HERC4: variants seen among roughly 807,000 people sequenced by gnomAD.
HERC4 encodes probable E3 ubiquitin-protein ligase HERC4.
HERC4 carries 28 observed loss-of-function variants against 124.3 expected under a neutral mutation model. The ratio of observed to expected loss-of-function variants is 0.23; its 90% CI spans 0.17 to 0.31. The LOEUF (loss-of-function observed/expected upper bound fraction) is 0.31. Ranked by LOEUF, HERC4 falls within the 10% of genes least tolerant of loss-of-function variation. The pLI is 1.00. For synonymous variants in HERC4, 407 were observed against 421.5 expected, an observed-to-expected ratio of 0.97 and a Z score of 0.42; for missense variants, 713 against 1,229.3, an observed-to-expected ratio of 0.58 and a Z score of 6.28.
chr10:68,045,400 C>A (rs774761545), intron 3 of HERC4, among the ~76,000 whole-genome samples: 1 of 152,134 alleles, frequency 6.6e-6, no homozygotes, highest in Non-Finnish European at 1.5e-5. Context: ...TTTTAAAGAT[C>A]TCATAAATAA....
chr10:68,030,283 A>G (rs573101358), intron 7 of HERC4, among the ~76,000 whole-genome samples: 1 of 151,944 alleles, frequency 6.6e-6, no homozygotes, highest in Non-Finnish European at 1.5e-5. Context: ...CTACAAAAAA[A>G]TACAAAAAAT....
intron 3 of HERC4, among the ~76,000 whole-genome samples, chr10:68,055,576 C>T (rs1463449418): frequency 6.6e-6 from 1 of 152,070 alleles, no homozygotes; most frequent in Non-Finnish European, 1.5e-5. Flanking sequence ...CTTATTTAAT[C>T]CTCATAACAC....
chr10:68,072,748 T>C, intron 3 of HERC4, 135 bp downstream of exon 3: 1 of 599,356 alleles, frequency 1.7e-6, no homozygotes, highest in Middle Eastern at 4.5e-4. Flanking sequence ...ACACATATAA[T>C]GGAAATACAT....
At chr10:67,932,487 GTAAAATGGTAGTAA>G in intron 23 of HERC4, 96 bp downstream of exon 23, 1 of 892,440 alleles carries the variant, frequency 1.1e-6, no homozygotes, top group East Asian at 2.7e-5. Context: ...GTGCTTTCCT[GTAAAATGGTAGTAA>G]TAAAGTGTAT....
At chr10:68,065,537 C>A (rs968576052) in intron 3 of HERC4, among the ~76,000 whole-genome samples, 4 of 151,972 alleles carry the variant, frequency 2.6e-5, no homozygotes, top group African/African-American at 4.8e-5. Context: ...AAAGAATAAG[C>A]CACCGAAATG....
At chr10:67,992,450 C>T (rs1185599652) in intron 10 of HERC4, 127 bp from the exon 11 acceptor site, 1 of 1,292,078 alleles carries the variant, frequency 7.7e-7, no homozygotes, top group Non-Finnish European at 1.1e-6. Flanking sequence ...GAAACAAAAA[C>T]CTATCAAATA....
intron 6 of HERC4, among the ~76,000 whole-genome samples, chr10:68,033,193 T>C (rs1212173040): frequency 6.6e-6 from 1 of 152,176 alleles, no homozygotes; most frequent in Non-Finnish European, 1.5e-5. Context: ...TTCATGATAG[T>C]TACACCCACA....
intron 8 of HERC4, among the ~76,000 whole-genome samples, chr10:68,019,253 C>A (rs999578241): frequency 4.6e-5 from 7 of 152,242 alleles, no homozygotes; most frequent in African/African-American, 1.7e-4. Context: ...GCCTCGGCCT[C>A]CCAAAGTGCT....
chr10:68,039,441 G>A, intron 4 of HERC4: 1 of 1,550,840 alleles, frequency 6.4e-7, no homozygotes, highest in African/African-American at 1.4e-5. Context: ...AGAGAGTCCG[G>A]AGCAAATTCT....
intron 15 of HERC4, among the ~76,000 whole-genome samples, chr10:67,985,510 T>C (rs550235997): frequency 1.3e-5 from 2 of 152,358 alleles, no homozygotes; most frequent in East Asian, 1.9e-4. Context: ...AGGGTGGTTA[T>C]GGTGAGTATG....
chr10:68,059,733 C>T lies in HERC4; in HGVS notation c.226+13150G>A, dbSNP rs528395105. Among the ~76,000 whole-genome samples the T allele has an allele frequency of 4.9e-4, 19 of 38,392 alleles. 1 individual carries two copies. The highest frequency in any genetic ancestry group is 3.7e-3 in the East Asian group (1 of 268). 25.2% of individuals were successfully genotyped at this position (38,392 alleles called of 152,430 possible). A position where few individuals can be genotyped will look rare whatever the true frequency, so the allele number is the denominator to read the frequency against. On this transcript the variant is annotated intron_variant, in intron 3 of 24. Transcript: ENST00000373700. ...TATCATAATATTATATATTATATAT[C>T]ATAATATTATATATTATAATATTAT...
chr10:68,063,497 C>T (rs576053947), intron 3 of HERC4, among the ~76,000 whole-genome samples: 11 of 152,204 alleles, frequency 7.2e-5, no homozygotes, highest in Admixed American at 6.5e-4. Flanking sequence ...CATGAGCCAC[C>T]GCACTCAGCC....
At chr10:68,024,610 G>A (rs1005106000) in intron 8 of HERC4, among the ~76,000 whole-genome samples, 98 of 152,222 alleles carry the variant, frequency 6.4e-4, no homozygotes, top group African/African-American at 2.3e-3. Flanking sequence ...AAAGTCTGAT[G>A]TTAAGAGGAA....
chr10:67,932,869 C>G, intron 22 of HERC4, 89 bp from the exon 23 acceptor site: 1 of 1,142,532 alleles, frequency 8.8e-7, no homozygotes, highest in Middle Eastern at 2.0e-4. Context: ...AGTGCTCCTA[C>G]AATTTCTGCT....
chr10:67,940,117 C>G (rs2032749743), intron 20 of HERC4, among the ~76,000 whole-genome samples: 1 of 151,854 alleles, frequency 6.6e-6, no homozygotes, highest in Non-Finnish European at 1.5e-5. Context: ...TAGTAGAGAC[C>G]AGGTTTCACC....
intron 3 of HERC4, among the ~76,000 whole-genome samples, chr10:68,055,694 A>T (rs1233082390): frequency 6.6e-6 from 1 of 151,660 alleles, no homozygotes; most frequent in Non-Finnish European, 1.5e-5. Context: ...TAACATAGTT[A>T]TGTTTCAATA....
intron 7 of HERC4, among the ~76,000 whole-genome samples, chr10:68,030,927 G>A (rs771224316): frequency 6.6e-6 from 1 of 152,084 alleles, no homozygotes; most frequent in Non-Finnish European, 1.5e-5. Context: ...GTTTTCCTAA[G>A]GTAGGTTTTG....
intron 3 of HERC4, among the ~76,000 whole-genome samples, chr10:68,051,962 C>A (rs764730151): frequency 6.6e-6 from 1 of 152,144 alleles, no homozygotes; most frequent in East Asian, 1.9e-4. Context: ...AGCCACCGCG[C>A]CCAGCCTCAA....
In HERC4 at chr10:68,064,073, C is replaced by T. The variant is rs146353481; in HGVS notation, c.226+8810G>A. 5.9e-3 allele frequency among the ~76,000 whole-genome samples: 890 copies of T among 152,108 alleles called. 13 individuals are homozygous for T. Among genetic ancestry groups the T allele is most frequent in the African/African-American group, 0.021 (855 of 41,492 alleles). On this transcript the variant is annotated intron_variant, in intron 3 of 24. Coordinates refer to ENST00000373700, the MANE Select transcript of HERC4 (RefSeq NM_015601.4). ...GCCTGGTCAACATGGCAAAACTCCA[C>T]CTCTACTAAAAATACAAAAATTAGC...
Sources: allele counts gnomAD v4.1 joint callset (sites outside exome capture counted in the v4.1 genomes callset), GRCh38; gene constraint gnomAD v4.1.1; transcripts MANE v1.5; gene names NCBI Gene and HGNC (gene_info 2026-07-23, HGNC 2026-07-21).